The following TMEM217B variants were observed in gnomAD, a reference collection of about 807,000 sequenced individuals.
TMEM217B encodes the protein transmembrane protein 217B.
chr6:37,240,757 T>TA, the TMEM217B span, among the ~76,000 whole-genome samples: 9 of 152,092 alleles, frequency 5.9e-5, no homozygotes, highest in Admixed American at 5.9e-4. Context: ...AAAATAAATT[T>TA]AAAAAAAGAC....
chr6:37,228,091 G>A, the TMEM217B span, among the ~76,000 whole-genome samples: 2 of 152,140 alleles, frequency 1.3e-5, no homozygotes, highest in South Asian at 2.1e-4. Context: ...AATGGGTGAG[G>A]TTGAGGGGTA....
chr6:37,238,066 G>A, the TMEM217B span, among the ~76,000 whole-genome samples: 5 of 151,552 alleles, frequency 3.3e-5, no homozygotes, highest in African/African-American at 1.2e-4. Context: ...TATTTAAAAA[G>A]TAAACAAAAG....
At chr6:37,225,867 C>T in the TMEM217B span, among the ~76,000 whole-genome samples, 1 of 152,072 alleles carries the variant, frequency 6.6e-6, no homozygotes, top group Non-Finnish European at 1.5e-5. Context: ...ATTAGGGGTG[C>T]TCTCACCTTC....
the TMEM217B span, among the ~76,000 whole-genome samples, chr6:37,213,151 G>A: frequency 1.2e-4 from 18 of 152,340 alleles, no homozygotes; most frequent in African/African-American, 4.3e-4. Flanking sequence ...GGTCTGGCCC[G>A]TGCTCTGGCC....
At chr6:37,217,757 C>A in the TMEM217B span, 1 of 985,286 alleles carries the variant, frequency 1.0e-6, no homozygotes, top group African/African-American at 1.7e-5. Flanking sequence ...CTGCAAAAAT[C>A]TGGTATAAAT....
the TMEM217B span, among the ~76,000 whole-genome samples, chr6:37,245,971 G>T: frequency 6.6e-6 from 1 of 151,884 alleles, no homozygotes; most frequent in Non-Finnish European, 1.5e-5. Flanking sequence ...GGCTAATTCT[G>T]TATTTTTTTT....
At chr6:37,254,123 A>G in the TMEM217B span, among the ~76,000 whole-genome samples, 9 of 152,226 alleles carry the variant, frequency 5.9e-5, no homozygotes, top group Admixed American at 3.9e-4. Context: ...AGGTCCATGG[A>G]TCAGCAGCAT....
the TMEM217B span, among the ~76,000 whole-genome samples, chr6:37,243,746 G>A: frequency 6.6e-6 from 1 of 152,158 alleles, no homozygotes; most frequent in Non-Finnish European, 1.5e-5. Flanking sequence ...TTACAGGCAT[G>A]CACCACCACA....
At chr6:37,241,841 C>T in the TMEM217B span, among the ~76,000 whole-genome samples, 7,087 of 152,068 alleles carry the variant, frequency 0.047, 251 homozygotes, top group Admixed American at 0.092. Flanking sequence ...AATTTATGAC[C>T]TCTTCTCACT....
the TMEM217B span, among the ~76,000 whole-genome samples, chr6:37,226,780 C>A: frequency 4.7e-5 from 1 of 21,308 alleles, no homozygotes; most frequent in Admixed American, 6.2e-4. Flanking sequence ...TCAGGCTGCT[C>A]GAACTTCTGA....
At chr6:37,219,622 C>T in the TMEM217B span, among the ~76,000 whole-genome samples, 4 of 152,010 alleles carry the variant, frequency 2.6e-5, no homozygotes, top group South Asian at 2.1e-4. Flanking sequence ...GTTTTAGCTA[C>T]TTAGGAGGCT....
At chr6:37,252,725 C>T in the TMEM217B span, among the ~76,000 whole-genome samples, 478 of 150,274 alleles carry the variant, frequency 3.2e-3, 2 homozygotes, top group African/African-American at 0.011. Flanking sequence ...CTGCAACCCC[C>T]GCCTCCTGGG....
chr6:37,252,633 A>ATTTTTTT, the TMEM217B span, among the ~76,000 whole-genome samples: 1 of 75,278 alleles, frequency 1.3e-5, no homozygotes, highest in African/African-American at 5.7e-5. Context: ...ATATATATAT[A>ATTTTTTT]TATATTTTTT....
At chr6:37,223,799 C>A in the TMEM217B span, among the ~76,000 whole-genome samples, 1 of 152,032 alleles carries the variant, frequency 6.6e-6, no homozygotes, top group African/African-American at 2.4e-5. Context: ...TGAGCCACTG[C>A]ACCTAGCCCA....
At chr6:37,241,235 C>T in the TMEM217B span, among the ~76,000 whole-genome samples, 1 of 151,618 alleles carries the variant, frequency 6.6e-6, no homozygotes, top group Non-Finnish European at 1.5e-5. Flanking sequence ...CTGCGTGACA[C>T]CATACCTGGT....
chr6:37,212,366 T>C, the TMEM217B span: 10 of 370,030 alleles, frequency 2.7e-5, no homozygotes, highest in Non-Finnish European at 5.3e-5. Flanking sequence ...GAGGGTTCCA[T>C]TGTTGAGGAA....
the TMEM217B span, chr6:37,219,098 C>A: frequency 6.8e-7 from 1 of 1,479,306 alleles, no homozygotes; most frequent in South Asian, 1.3e-5. Flanking sequence ...TGGTAAATTA[C>A]CAGGGTTTCT....
At chr6:37,217,642 T>C in the TMEM217B span, 2 of 985,382 alleles carry the variant, frequency 2.0e-6, no homozygotes, top group Non-Finnish European at 2.4e-6. Flanking sequence ...AATTGAAGGA[T>C]GAATTTTCTC....
chr6:37,241,802 C>T, the TMEM217B span, among the ~76,000 whole-genome samples: 1 of 152,114 alleles, frequency 6.6e-6, no homozygotes, highest in African/African-American at 2.4e-5. Context: ...TTTAAAACTC[C>T]ATTAACTTTT....
Sources: allele counts gnomAD v4.1 joint callset (sites outside exome capture counted in the v4.1 genomes callset), GRCh38; gene constraint gnomAD v4.1.1; transcripts MANE v1.5; gene names NCBI Gene and HGNC (gene_info 2026-07-23, HGNC 2026-07-21).